SH3PXD2A: variants seen among roughly 807,000 people sequenced by gnomAD.
The protein encoded by SH3PXD2A is SH3 and PX domains 2A.
A neutral mutation model predicts 115.2 loss-of-function variants in SH3PXD2A; 32 were observed. The ratio of observed to expected loss-of-function variants is 0.28; its 90% CI spans 0.21 to 0.37. The LOEUF is 0.37. Ranked by LOEUF, SH3PXD2A falls within the 10% of genes least tolerant of loss-of-function variation. SH3PXD2A has a pLI of 1.00. For missense variants in SH3PXD2A, 1,328 were observed against 1,498.7 expected (o/e 0.89, Z 1.88); for synonymous variants, 610 against 629.1 (o/e 0.97, Z 0.45).
intron 1 of SH3PXD2A, among the ~76,000 whole-genome samples, chr10:103,839,606 C>T (rs2039577932): frequency 6.6e-6 from 1 of 151,758 alleles, no homozygotes; most frequent in Non-Finnish European, 1.5e-5. Flanking sequence ...CCCACACAGC[C>T]CCACCCCCAA....
At chr10:103,607,149 C>G (rs2036325503) in intron 13 of SH3PXD2A, among the ~76,000 whole-genome samples, 1 of 150,226 alleles carries the variant, frequency 6.7e-6, no homozygotes, top group South Asian at 2.1e-4. Flanking sequence ...GCCCTGCCGC[C>G]CCGTCTGGGA....
intron 2 of SH3PXD2A, among the ~76,000 whole-genome samples, chr10:103,786,172 G>T (rs2134246246): frequency 6.6e-6 from 1 of 152,268 alleles, no homozygotes; most frequent in Middle Eastern, 3.4e-3. Context: ...GGCAAGGAAG[G>T]GAAAGGACTC....
Position 103,769,175 on chromosome 10 carries a change from T to C in SH3PXD2A, c.154-2006A>G, listed in dbSNP as rs936453246. 7.7e-3 allele frequency among the ~76,000 whole-genome samples: 796 copies of C among 103,826 alleles called. 7 individuals carry two copies. Among genetic ancestry groups the C allele is most frequent in the East Asian group, 0.048 (135 of 2,808 alleles). The allele number at this position is 103,826 out of a possible 152,430, so 68.1% of individuals were successfully genotyped here. A position where few individuals can be genotyped will look rare whatever the true frequency, so the allele number is the denominator to read the frequency against. On this transcript the variant is annotated intron_variant, in intron 2 of 14. Coordinates refer to ENST00000369774, the MANE Select transcript of SH3PXD2A (RefSeq NM_001394015.1). ...GTGTGTGTGTGTGTGTGTGTGTGTG[T>C]GTGTGTGCGCGCGCGCGCGCATTTA...
At chr10:103,702,687 C>T (rs993738103) in intron 5 of SH3PXD2A, among the ~76,000 whole-genome samples, 1 of 151,480 alleles carries the variant, frequency 6.6e-6, no homozygotes, top group Admixed American at 6.6e-5. Flanking sequence ...TGGACTGAGC[C>T]CCAGAGGAAG....
In SH3PXD2A at chr10:103,688,779, G is replaced by A. The variant is rs150007674; in HGVS notation, c.427+4249C>T. 3.5e-3 allele frequency among the ~76,000 whole-genome samples: 536 copies of A among 152,268 alleles called. 2 individuals are homozygous for A. The highest frequency in any genetic ancestry group is 4.9e-3 in the Non-Finnish European group (335 of 68,022). On this transcript the variant is annotated intron_variant, in intron 6 of 14. Coordinates refer to ENST00000369774, the MANE Select transcript of SH3PXD2A (RefSeq NM_001394015.1). Reference sequence around the variant, plus strand: ...TGAGCCAGGGTAGGGAATTAGTTCTGGGTGGGATGGAGTCCCTGGGGGAAT... The same window carrying A: ...TGAGCCAGGGTAGGGAATTAGTTCTAGGTGGGATGGAGTCCCTGGGGGAAT...
chr10:103,701,171 TCCA>T (rs2037894792), intron 5 of SH3PXD2A, among the ~76,000 whole-genome samples: 1 of 136,172 alleles, frequency 7.3e-6, no homozygotes, highest in Non-Finnish European at 1.6e-5. Flanking sequence ...CATCCATCCA[TCCA>T]TCCACCATCC....
chr10:103,632,979 A>C lies in SH3PXD2A; in HGVS notation c.605-5777T>G, dbSNP rs3781350. Among the ~76,000 whole-genome samples the C allele has an allele frequency of 2.5e-3, 373 of 152,060 alleles. 17 individuals carry two copies. The South Asian group carries it at 0.065, about 27-fold the overall frequency. On this transcript the variant is annotated intron_variant, in intron 8 of 14. Coordinates refer to ENST00000369774, the MANE Select transcript of SH3PXD2A (RefSeq NM_001394015.1). ...CAGAGCGAGACTCTGTCTCAGAAAC[A>C]AAAAGAACAAACCTCCCCCCGGCCA...
At chr10:103,826,052 C>T (rs1032299678) in intron 1 of SH3PXD2A, among the ~76,000 whole-genome samples, 6 of 152,132 alleles carry the variant, frequency 3.9e-5, no homozygotes, top group South Asian at 2.1e-4. Context: ...CGTGAGCCAC[C>T]GTGCACGGCC....
chr10:103,690,369 A>G (rs1024330468), intron 6 of SH3PXD2A, among the ~76,000 whole-genome samples: 1 of 152,178 alleles, frequency 6.6e-6, no homozygotes, highest in Non-Finnish European at 1.5e-5. Flanking sequence ...TGGGAGGTGC[A>G]TAGAGAGCTT....
chr10:103,713,763 CATT>C (rs1156236338), intron 5 of SH3PXD2A, among the ~76,000 whole-genome samples: 2 of 152,196 alleles, frequency 1.3e-5, no homozygotes, highest in Non-Finnish European at 2.9e-5. Flanking sequence ...TAGGCAAGGA[CATT>C]GAGGTTTTGG....
intron 2 of SH3PXD2A, among the ~76,000 whole-genome samples, chr10:103,769,453 T>TC (rs1484302571): frequency 1.8e-3 from 264 of 149,224 alleles, no homozygotes; most frequent in African/African-American, 6.3e-3. Context: ...CTTCTTCTTT[T>TC]TTTTTTTTTT....
chr10:103,655,836 C>T (rs1374753854), intron 8 of SH3PXD2A, among the ~76,000 whole-genome samples: 1 of 139,024 alleles, frequency 7.2e-6, no homozygotes, highest in Non-Finnish European at 1.5e-5. Context: ...GCTCACAATA[C>T]AGTCTACCAG....
intron 1 of SH3PXD2A, among the ~76,000 whole-genome samples, chr10:103,843,117 G>T (rs1368312067): frequency 6.6e-6 from 1 of 152,170 alleles, no homozygotes; most frequent in Non-Finnish European, 1.5e-5. Flanking sequence ...CAACCATATG[G>T]GTTAGGTAGT....
rs374901094 is a variant in SH3PXD2A, at chr10:103,637,993, C to T, written c.605-10791G>A. On this transcript the variant is annotated intron_variant, in intron 8 of 14. Transcript: ENST00000369774. ...AGACCAGTGAAAGGCTGCCCACCCTCGGCCAGGCCTCCCCTGGTCAGAAAG... is the reference window on the plus strand; with the variant it reads ...AGACCAGTGAAAGGCTGCCCACCCTTGGCCAGGCCTCCCCTGGTCAGAAAG... 1.8e-4 allele frequency among the ~76,000 whole-genome samples: 28 copies of T among 152,350 alleles called. No individual in the cohort carries two copies. The South Asian group carries it at 1.9e-3, about 10-fold the overall frequency.
intron 1 of SH3PXD2A, among the ~76,000 whole-genome samples, chr10:103,831,665 A>G (rs1246375123): frequency 6.6e-6 from 1 of 152,100 alleles, no homozygotes; most frequent in East Asian, 1.9e-4. Context: ...ACAAAAATAA[A>G]TTTAATTAAT....
chr10:103,602,004 T>C lies in SH3PXD2A; in HGVS notation c.3214A>G (p.Asn1072Asp), dbSNP rs1274287791. 1.2e-6 allele frequency: 2 copies of C among 1,613,762 alleles called. No individual in the cohort carries two copies. Among genetic ancestry groups the C allele is most frequent in the Admixed American group, 1.7e-5 (1 of 59,994 alleles). Residue 1072 changes from asparagine to aspartate, a missense_variant, in exon 15 of 15, where the codon AAC becomes GAC. Asn to Asp is a conservative substitution (Grantham distance 23). Transcript: ENST00000369774. ...PIEKSQFIHNNLKDVYVSIAD... is the reference protein window; with the variant it reads ...PIEKSQFIHNDLKDVYVSIAD... ...ATAGAGACGTACACATCTTTGAGGT[T>C]ATTGTGGATGAACTGAGACTTCTCG... is the stretch of plus-strand genomic sequence containing the variant.
intron 5 of SH3PXD2A, among the ~76,000 whole-genome samples, chr10:103,703,023 GC>G (rs760863121): frequency 2.4e-4 from 37 of 152,206 alleles, no homozygotes; most frequent in Non-Finnish European, 4.6e-4. Flanking sequence ...TTGGCTGATG[GC>G]CCCTAACTCC....
At chr10:103,770,381 C>CT (rs34489115) in intron 2 of SH3PXD2A, among the ~76,000 whole-genome samples, 84,046 of 151,872 alleles carry the variant, frequency 0.55, 23,837 homozygotes, top group African/African-American at 0.69. Context: ...AGTTTAAAAA[C>CT]TTTTTTGTAG....
intron 3 of SH3PXD2A, among the ~76,000 whole-genome samples, chr10:103,758,733 GA>G (rs2038668621): frequency 6.6e-6 from 1 of 152,210 alleles, no homozygotes; most frequent in African/African-American, 2.4e-5. Flanking sequence ...ATCAAGAGAA[GA>G]CAAAATACCT....
Sources: allele counts gnomAD v4.1 joint callset (sites outside exome capture counted in the v4.1 genomes callset), GRCh38; gene constraint gnomAD v4.1.1; transcripts MANE v1.5; gene names NCBI Gene and HGNC (gene_info 2026-07-23, HGNC 2026-07-21).